Variants in DMBT1 observed in about 807,000 individuals in gnomAD.
DMBT1 encodes scavenger receptor cysteine-rich domain-containing protein DMBT1.
A neutral mutation model predicts 252.9 loss-of-function variants in DMBT1; 198 were observed. That is an observed-to-expected ratio of 0.78 (90% CI 0.70 to 0.88). The LOEUF (loss-of-function observed/expected upper bound fraction) is 0.88, where lower values mean the gene tolerates loss of function less well. Among genes scored for constraint, DMBT1 ranks in the 40% least tolerant of loss-of-function variants. The pLI is 0.00. For synonymous variants in DMBT1, 990 were observed against 942.7 expected (o/e 1.05, Z -0.92); for missense variants, 2,432 against 2,404.7 (o/e 1.01, Z -0.24).
chr10:122,634,448 C>G (rs865934489), intron 52 of DMBT1, among the ~76,000 whole-genome samples: 1,368 of 76,902 alleles, frequency 0.018, 11 homozygotes, highest in African/African-American at 0.041. Context: ...CTCTCTCTCT[C>G]TCTCTCTCTC....
intron 44 of DMBT1, among the ~76,000 whole-genome samples, chr10:122,621,652 C>A (rs895047807): frequency 2.6e-5 from 4 of 152,244 alleles, no homozygotes; most frequent in Admixed American, 2.6e-4. Flanking sequence ...ATTTCTGGCT[C>A]CCCAGGGCTC....
At chr10:122,573,657 C>T in intron 5 of DMBT1, 58 bp from the exon 6 acceptor site, 2 of 1,599,196 alleles carry the variant, frequency 1.3e-6, no homozygotes, top group Admixed American at 1.7e-5. Context: ...AAGCCCTGGA[C>T]CAACCCTCCC....
At chr10:122,635,866 A>G (rs1453190767) in intron 52 of DMBT1, 125 bp from the exon 53 acceptor site, 15 of 1,025,090 alleles carry the variant, frequency 1.5e-5, no homozygotes, top group Admixed American at 2.1e-5. Flanking sequence ...AAGGAGACCT[A>G]TGACTTTCAT....
At position 122,572,308 on chromosome 10, in the gene DMBT1, C is replaced by T; in HGVS notation, c.188-6C>T. On this transcript the variant is annotated splice_polypyrimidine_tract_variant and splice_region_variant and intron_variant, in intron 4 of 55. Coordinates refer to ENST00000338354, the MANE Select transcript of DMBT1 (RefSeq NM_001377530.1). Reference sequence around the variant, plus strand: ...TCAATGAGCTCTTCCTTTCTCCACCCTGCAGGTTCTCCGATTTCCTTGGAG... The same window carrying T: ...TCAATGAGCTCTTCCTTTCTCCACCTTGCAGGTTCTCCGATTTCCTTGGAG... 6.2e-7 allele frequency: 1 copy of T among 1,613,308 alleles called. No individual in the cohort carries two copies. Among genetic ancestry groups the T allele is most frequent in the East Asian group, 2.2e-5 (1 of 44,866 alleles).
chr10:122,560,915 A>T, intron 1 of DMBT1, 84 bp downstream of exon 1: 1 of 1,099,330 alleles, frequency 9.1e-7, no homozygotes, highest in Non-Finnish European at 1.3e-6. Flanking sequence ...TTCCATTACA[A>T]GGGAAGTTTT....
chr10:122,568,956 T>C (rs1158224606), intron 2 of DMBT1, among the ~76,000 whole-genome samples: 1 of 152,196 alleles, frequency 6.6e-6, no homozygotes, highest in African/African-American at 2.4e-5. Context: ...TGAGTCAATA[T>C]TACCACACAT....
intron 4 of DMBT1, among the ~76,000 whole-genome samples, chr10:122,571,297 C>T (rs1281681852): frequency 2.6e-5 from 4 of 152,168 alleles, no homozygotes; most frequent in Admixed American, 6.5e-5. Context: ...CAGTCTCAGC[C>T]CCTCAGAATC....
At chr10:122,622,747 C>T (rs762473173) in intron 44 of DMBT1, among the ~76,000 whole-genome samples, 32 of 152,200 alleles carry the variant, frequency 2.1e-4, no homozygotes, top group East Asian at 3.9e-4. Flanking sequence ...TCCTTTGGGG[C>T]GACGGGAAGG....
chr10:122,636,956 C>T (rs1750182337), intron 53 of DMBT1, among the ~76,000 whole-genome samples, 172 bp from the exon 54 acceptor site: 1 of 152,202 alleles, frequency 6.6e-6, no homozygotes, highest in Admixed American at 6.5e-5. Context: ...GCTGACTTGA[C>T]CCTCGGGTCC....
Position 122,585,220 on chromosome 10 carries a change from G to A in DMBT1, c.1421-51G>A. The stretch of plus-strand genomic sequence containing the variant: ...TTCTCCGGAGACTTTTCCTTTTGGA[G>A]ATTTTCACCATCAACTTTAATTCTA... On this transcript the variant is annotated intron_variant, in intron 14 of 55. Coordinates refer to ENST00000338354, the MANE Select transcript of DMBT1 (RefSeq NM_001377530.1). The A allele has an allele frequency of 1.9e-6, 3 of 1,574,168 alleles. No homozygotes were observed. In the South Asian group the frequency reaches 3.5e-5, roughly 18 times the overall value.
chr10:122,585,975 T>A, intron 15 of DMBT1, 85 bp from the exon 16 acceptor site: 1 of 1,570,968 alleles, frequency 6.4e-7, no homozygotes, highest in South Asian at 1.2e-5. Context: ...CTTTAGCCAT[T>A]AGGACGTGCC....
Position 122,600,976 on chromosome 10 carries a change from TG to T in DMBT1, c.3311-14del, listed in dbSNP as rs1258956469. ...TCAAGTCTAATTCTGTCTTTTCCTT[TG>T]TTGCAATTTACAGACACTTGGCCAA... is the stretch of plus-strand genomic sequence containing the variant. On this transcript the variant is annotated splice_polypyrimidine_tract_variant and intron_variant, in intron 27 of 55. Coordinates refer to ENST00000338354, the MANE Select transcript of DMBT1 (RefSeq NM_001377530.1). 1.5e-5 allele frequency: 12 copies of T among 819,440 alleles called. No homozygotes were observed. The Admixed American group carries it at 2.4e-4, about 16-fold the overall frequency. 50.8% of individuals were successfully genotyped at this position (819,440 alleles called of 1,614,324 possible).
intron 10 of DMBT1, among the ~76,000 whole-genome samples, chr10:122,580,535 C>G (rs185817439): frequency 6.6e-6 from 1 of 152,102 alleles, no homozygotes; most frequent in African/African-American, 2.4e-5. Flanking sequence ...GCTTGAAGAT[C>G]GCACAAGGGA....
In DMBT1 at chr10:122,598,677, G is replaced by A. The variant is rs2097909103; in HGVS notation, c.2957-97G>A. 1.1e-5 allele frequency: 18 copies of A among 1,585,570 alleles called. No homozygotes were observed. The South Asian group carries it at 1.8e-4, about 16-fold the overall frequency. On this transcript the variant is annotated intron_variant, in intron 25 of 55. Transcript: ENST00000338354. ...TTCAAAGGTGACTGCCTGCCCAGGTGACTTTAGCCATTAGGACATGCCTTG... is the reference window on the plus strand; with the variant it reads ...TTCAAAGGTGACTGCCTGCCCAGGTAACTTTAGCCATTAGGACATGCCTTG...
chr10:122,617,199 CT>C, intron 39 of DMBT1, 28 bp from the exon 40 acceptor site: 1 of 1,605,804 alleles, frequency 6.2e-7, no homozygotes, highest in Non-Finnish European at 8.5e-7. Context: ...AAGTCTAATT[CT>C]GTCTTTTTTC....
Position 122,631,855 on chromosome 10 carries a change from G to C in DMBT1, c.6347G>C (p.Gly2116Ala), listed in dbSNP as rs2098167800. Residue 2116 changes from glycine (G) to alanine (A), a missense_variant and splice_region_variant, in exon 50 of 56, where the codon GGA (glycine) becomes GCA (alanine). By Grantham distance (60) the Gly-to-Ala change is moderately conservative (BLOSUM62 0). Around this residue, in one of 3 missense-constraint regions of DMBT1, gnomAD observed 1,162 missense variants for 1,169.0 expected, o/e 0.99. Transcript: ENST00000338354. ...HREDAGVICS[G>A]NHLSTPAPFL... Reference sequence around the variant, plus strand: ...TGCTTTTTTTCTATTCCTTTTTCAGGAAACCATCTATCGACACCTGGTAAG... The same window carrying C: ...TGCTTTTTTTCTATTCCTTTTTCAGCAAACCATCTATCGACACCTGGTAAG... 1 of 1,613,686 alleles carries C rather than the reference G, an allele frequency of 6.2e-7. No homozygotes were observed. The highest frequency in any genetic ancestry group is 8.5e-7 in the Non-Finnish European group (1 of 1,179,842).
chr10:122,563,436 T>G (rs1482211782), intron 1 of DMBT1, among the ~76,000 whole-genome samples: 2 of 152,038 alleles, frequency 1.3e-5, no homozygotes, highest in Non-Finnish European at 2.9e-5. Context: ...GAAAAACTGG[T>G]GAAATCCAGA....
At position 122,576,688 on chromosome 10, in the gene DMBT1, T is replaced by A. The variant is rs1447074775; in HGVS notation, c.573T>A (p.Cys191Ter). The change falls in exon 7 of 56, where the codon TGT becomes TGA. Residue 191 changes from cysteine to a stop codon, truncating the protein, a stop_gained. Transcript: ENST00000338354. LOFTEE classifies it high-confidence loss of function. Reference protein sequence around the residue: ...CPHNGWLSHNCGHGEDAGVIC... With the variant: ...CPHNGWLSHN ...ACAATGGCTGGCTCTCCCATAACTG[T>A]GGCCATGGTGAAGATGCTGGTGTTA... 1 of 1,613,758 alleles carries A rather than the reference T, an allele frequency of 6.2e-7. No individual in the cohort carries two copies. Among genetic ancestry groups the A allele is most frequent in the South Asian group, 1.1e-5 (1 of 91,052 alleles).
At chr10:122,597,216 G>A (rs2097890388) in intron 24 of DMBT1, among the ~76,000 whole-genome samples, 162 bp downstream of exon 24, 1 of 151,184 alleles carries the variant, frequency 6.6e-6, no homozygotes, top group East Asian at 2.0e-4. Flanking sequence ...TTCTGAACCA[G>A]ACATAGGGTT....
Sources: gnomAD v4.1 joint callset for allele counts (sites outside exome capture counted in the v4.1 genomes callset) on GRCh38, gnomAD v4.1.1 for gene constraint, gnomAD v4.1.1 regional missense constraint, MANE v1.5 for transcripts, NCBI Gene and HGNC (gene_info 2026-07-23, HGNC 2026-07-21) for gene names.